SACS: variants seen among roughly 807,000 people sequenced by gnomAD.
SACS encodes sacsin molecular chaperone.
SACS carries 197 observed loss-of-function variants against 348.0 expected under a neutral mutation model. The observed-to-expected ratio is 0.57, with a 90% CI of 0.50 to 0.64. SACS has a LOEUF of 0.64. Ranked by LOEUF, SACS falls within the 30% of genes least tolerant of loss-of-function variation. SACS has a pLI of 0.00. For missense variants in SACS, 4,999 were observed against 5,360.8 expected (o/e 0.93, Z 2.11); for synonymous variants, 1,985 against 1,910.6 (o/e 1.04, Z -1.02).
intron 2 of SACS, among the ~76,000 whole-genome samples, chr13:23,398,291 G>A (rs1020529067): frequency 3.3e-5 from 5 of 151,820 alleles, no homozygotes; most frequent in South Asian, 2.1e-4. Context: ...CTAGCACTTC[G>A]GGAGGCCAAG....
At chr13:23,413,080 C>T (rs1314859328) in intron 1 of SACS, among the ~76,000 whole-genome samples, 1 of 151,830 alleles carries the variant, frequency 6.6e-6, no homozygotes, top group Admixed American at 6.6e-5. Context: ...CGGGTTCAAT[C>T]GATCCTCCAG....
At chr13:23,377,759 C>T (rs1190206097) in intron 2 of SACS, among the ~76,000 whole-genome samples, 1 of 152,178 alleles carries the variant, frequency 6.6e-6, no homozygotes, top group Non-Finnish European at 1.5e-5. Context: ...TGCTGCGAGA[C>T]TCCCGTCCAA....
chr13:23,419,868 C>T (rs545900041), intron 1 of SACS, among the ~76,000 whole-genome samples: 8 of 152,300 alleles, frequency 5.3e-5, no homozygotes, highest in East Asian at 3.9e-4. Flanking sequence ...TGTGACCATT[C>T]GGTCACTGAG....
Position 23,330,303 on chromosome 13 carries a change from T to C in SACS, c.13573A>G (p.Thr4525Ala), listed in dbSNP as rs761025964. 1.9e-6 allele frequency: 3 copies of C among 1,614,116 alleles called. No homozygotes were observed. Among genetic ancestry groups the C allele is most frequent in the Admixed American group, 3.3e-5 (2 of 60,010 alleles). The change falls in exon 10 of 10, where the codon ACA (threonine) becomes GCA (alanine). Residue 4525 changes from threonine (T) to alanine (A), a missense_variant. Physicochemically the swap from Thr to Ala is moderately conservative, Grantham distance 58. This residue lies in a region of SACS where 254 missense variants were observed against 275.1 expected (regional missense o/e 0.92). Coordinates refer to ENST00000382292, the MANE Select transcript of SACS (RefSeq NM_014363.6). ...CTGTCTACACCATAAGCTTCCAATG[T>C]GTGAACATCATTTGTCAGTCCTTCA... ...QLEGLTNDVH[T>A]LEAYGVDSLK...
intron 4 of SACS, among the ~76,000 whole-genome samples, chr13:23,368,973 C>A (rs375111211): frequency 1.2e-4 from 19 of 152,194 alleles, no homozygotes; most frequent in South Asian, 6.2e-4. Context: ...TGCTGGGATT[C>A]CAGGCGTGAG....
chr13:23,372,990 A>G (rs1364741146), intron 3 of SACS, among the ~76,000 whole-genome samples: 1 of 151,964 alleles, frequency 6.6e-6, no homozygotes, highest in Non-Finnish European at 1.5e-5. Context: ...CACACCCCCA[A>G]TCCCAAACAG....
chr13:23,402,528 A>C (rs1593174516), intron 2 of SACS, among the ~76,000 whole-genome samples: 1 of 152,252 alleles, frequency 6.6e-6, no homozygotes, highest in African/African-American at 2.4e-5. Context: ...TAAGTTCAAT[A>C]GGAATCTGTT....
intron 2 of SACS, among the ~76,000 whole-genome samples, chr13:23,387,740 G>A (rs1268267203): frequency 4.6e-5 from 7 of 152,188 alleles, no homozygotes; most frequent in Non-Finnish European, 8.8e-5. Flanking sequence ...GCATGGTGCA[G>A]AGAATTCAGT....
At position 23,340,590 on chromosome 13, in the gene SACS, C is replaced by T. The variant is rs1869114640; in HGVS notation, c.3286G>A (p.Ala1096Thr). 1 of 1,613,312 alleles carries T rather than the reference C, an allele frequency of 6.2e-7. No homozygotes were observed. The highest frequency in any genetic ancestry group is 1.3e-5 in the African/African-American group (1 of 74,844). The change falls in exon 10 of 10, where the codon GCC becomes ACC. Residue 1096 changes from alanine to threonine, a missense_variant. This residue lies in a region of SACS where 3,156 missense variants were observed against 3,380.1 expected (regional missense o/e 0.93). Transcript: ENST00000382292. ...SLRQIGLKNE[A>T]SLKEKDVVQV... ...ACAACATCCTTTTCTTTGAGACTGG[C>T]TTCGTTTTTTAAACCAATCTGTCTT...
At position 23,354,720 on chromosome 13, in the gene SACS, A is replaced by G; in HGVS notation, c.1892T>C (p.Val631Ala). 2 of 1,613,692 alleles carry G rather than the reference A, an allele frequency of 1.2e-6. No individual in the cohort carries two copies. The highest frequency in any genetic ancestry group is 1.7e-6 in the Non-Finnish European group (2 of 1,179,694). Residue 631 changes from valine (V) to alanine (A), a missense_variant, in exon 8 of 10, where the codon GTG becomes GCG. Val to Ala is a moderately conservative substitution (Grantham distance 64, BLOSUM62 0). Around this residue, in one of 6 missense-constraint regions of SACS, gnomAD observed 3,156 missense variants for 3,380.1 expected, o/e 0.93. Transcript: ENST00000382292. ...TGCACACTTCCGCAGCACCTGCCGC[A>G]CCCACGCGGGCGTCACCTTCCTCAC... is the stretch of plus-strand genomic sequence containing the variant. ...TPVRKVTPAW[V>A]RQVLRKCAHL...
chr13:23,340,242 C>T lies in SACS; in HGVS notation c.3634G>A (p.Ala1212Thr), dbSNP rs773519629. The T allele has an allele frequency of 8.7e-6, 14 of 1,610,738 alleles. No individual in the cohort carries two copies. The East Asian group carries it at 2.5e-4, about 28-fold the overall frequency. ...CTAGGTTTTGTGAAGATCCCTAATG[C>T]TTTTTCCAGGTTTACATGGATACTT... ...VESIHVNLEK[A>T]LGIFTKPSLS... is the part of the protein sequence containing the mutation. Residue 1212 changes from alanine to threonine, a missense_variant, in exon 10 of 10, where the codon GCA becomes ACA. Around this residue, in one of 6 missense-constraint regions of SACS, gnomAD observed 3,156 missense variants for 3,380.1 expected, o/e 0.93. Transcript: ENST00000382292.
At chr13:23,407,042 A>G (rs1180234107) in intron 2 of SACS, among the ~76,000 whole-genome samples, 1 of 152,152 alleles carries the variant, frequency 6.6e-6, no homozygotes, top group African/African-American at 2.4e-5. Flanking sequence ...ACTGATGTCT[A>G]TGCCATCACC....
intron 9 of SACS, among the ~76,000 whole-genome samples, chr13:23,345,579 T>C (rs1036431968): frequency 6.6e-6 from 1 of 152,270 alleles, no homozygotes; most frequent in Non-Finnish European, 1.5e-5. Flanking sequence ...ACTCTACTTA[T>C]ATCAAGATTT....
chr13:23,390,521 G>A lies in SACS; in HGVS notation c.21-15252C>T, dbSNP rs114587027. Among the ~76,000 whole-genome samples the A allele has an allele frequency of 6.4e-3, 973 of 152,128 alleles. 12 individuals are homozygous for A. The highest frequency in any genetic ancestry group is 0.022 in the African/African-American group (929 of 41,498). ...CAAAAAATATAAAAATTAGCTGGGG[G>A]ACTAATTTTATATTTAGTGTGTGGG... On this transcript the variant is annotated intron_variant, in intron 2 of 9. Coordinates refer to ENST00000382292, the MANE Select transcript of SACS (RefSeq NM_014363.6).
chr13:23,400,200 C>G (rs9552950), intron 2 of SACS, among the ~76,000 whole-genome samples: 42,402 of 151,986 alleles, frequency 0.28, 6,515 homozygotes, highest in East Asian at 0.44. Context: ...CAAGGTATGG[C>G]AAGGAAATAT....
intron 3 of SACS, chr13:23,374,041 T>C (rs1471607927): frequency 1.3e-5 from 2 of 152,204 alleles, no homozygotes; most frequent in African/African-American, 4.8e-5. Context: ...GGTGATGACA[T>C]GGCTTTGGAC....
At position 23,333,616 on chromosome 13, in the gene SACS, A is replaced by G. The variant is rs1370239378; in HGVS notation, c.10260T>C (p.Tyr3420=). 6.2e-7 allele frequency: 1 copy of G among 1,613,700 alleles called. No homozygotes were observed. The highest frequency in any genetic ancestry group is 1.3e-5 in the African/African-American group (1 of 74,916). The change falls in exon 10 of 10, where the codon TAT becomes TAC. Residue 3420 remains tyrosine (Y), a synonymous_variant. Transcript: ENST00000382292. ...LPCYKSISGR[Y]VSIGKFGTCY... is the part of the protein sequence containing the mutation. ...ATGTTCCAAATTTTCCAATGCTTAC[A>G]TAGCGGCCACTGATGGATTTATAGC...
At chr13:23,387,748 A>C (rs1280437183) in intron 2 of SACS, among the ~76,000 whole-genome samples, 1 of 152,220 alleles carries the variant, frequency 6.6e-6, no homozygotes, top group East Asian at 1.9e-4. Flanking sequence ...CAGAGAATTC[A>C]GTTCCTTAGC....
chr13:23,338,280 G>A lies in SACS; in HGVS notation c.5596C>T (p.His1866Tyr), dbSNP rs761878914. ...IQDQKWTVKP[H>Y]IGEVFCYLPL... The stretch of plus-strand genomic sequence containing the variant: ...AAATAGCAAAACACCTCTCCAATGT[G>A]TGGTTTCACTGTCCACTTCTGGTCC... Residue 1866 changes from histidine to tyrosine, a missense_variant, in exon 10 of 10, where the codon CAC becomes TAC. His to Tyr is a moderately conservative substitution (Grantham distance 83). This residue lies in a region of SACS where 3,156 missense variants were observed against 3,380.1 expected (regional missense o/e 0.93). Transcript: ENST00000382292. 1.4e-5 allele frequency: 22 copies of A among 1,614,004 alleles called. No homozygotes were observed. Among genetic ancestry groups the A allele is most frequent in the African/African-American group, 2.7e-5 (2 of 74,918 alleles).
Sources: allele counts gnomAD v4.1 joint callset (sites outside exome capture counted in the v4.1 genomes callset), GRCh38; gene constraint gnomAD v4.1.1; regional missense constraint gnomAD v4.1.1; transcripts MANE v1.5; gene names NCBI Gene and HGNC (gene_info 2026-07-23, HGNC 2026-07-21).